Variants in IL7 observed in about 807,000 individuals in gnomAD.
IL7 encodes interleukin-7.
IL7 carries 3 observed loss-of-function variants against 21.6 expected under a neutral mutation model. The observed-to-expected ratio is 0.14, with a 90% CI of 0.06 to 0.36. The LOEUF (loss-of-function observed/expected upper bound fraction) is 0.36, where lower values mean the gene tolerates loss of function less well. Ranked by LOEUF, IL7 falls within the 10% of genes least tolerant of loss-of-function variation. The pLI, the probability that IL7 is intolerant of heterozygous loss-of-function variation, is 1.00. For synonymous variants in IL7, 62 were observed against 68.1 expected (o/e 0.91, Z 0.44); for missense variants, 175 against 200.2 (o/e 0.87, Z 0.76).
chr8:78,763,180 A>G (rs1418690470), intron 2 of IL7, among the ~76,000 whole-genome samples: 1 of 152,228 alleles, frequency 6.6e-6, no homozygotes, highest in Non-Finnish European at 1.5e-5. Context: ...AGCCCCCTGG[A>G]CAGCATTTGT....
intron 2 of IL7, among the ~76,000 whole-genome samples, chr8:78,770,116 T>C (rs1310610291): frequency 6.6e-6 from 1 of 152,158 alleles, no homozygotes; most frequent in Non-Finnish European, 1.5e-5. Context: ...ATTCAGGACA[T>C]AGGCATGGGC....
At chr8:78,727,051 T>C (rs968851083) in intron 3 of IL7, among the ~76,000 whole-genome samples, 1 of 152,130 alleles carries the variant, frequency 6.6e-6, no homozygotes, top group Admixed American at 6.6e-5. Context: ...CATTAGGTCC[T>C]GAGAAAACTC....
intron 3 of IL7, chr8:78,698,585 A>C (rs1027932785): frequency 4.2e-6 from 5 of 1,177,886 alleles, no homozygotes; most frequent in Non-Finnish European, 5.8e-6. Context: ...ATGTTTTGAT[A>C]ATTGCTTTTT....
downstream of IL7, among the ~76,000 whole-genome samples, chr8:78,731,534 AT>A (rs879558903): frequency 4.7e-5 from 7 of 150,484 alleles, no homozygotes; most frequent in African/African-American, 1.7e-4. Flanking sequence ...TTCCCTCCTT[AT>A]TTTTTTTTCT....
intron 3 of IL7, among the ~76,000 whole-genome samples, chr8:78,686,134 T>C (rs1407776669): frequency 6.6e-6 from 1 of 152,204 alleles, no homozygotes; most frequent in African/African-American, 2.4e-5. Flanking sequence ...CTCGTACTAC[T>C]GTTATAATGG....
At chr8:78,792,790 G>A (rs1180686283) in intron 2 of IL7, among the ~76,000 whole-genome samples, 5 of 152,078 alleles carry the variant, frequency 3.3e-5, no homozygotes, top group African/African-American at 1.2e-4. Flanking sequence ...AAGCTTTGGT[G>A]AGAAAGTAGA....
intron 2 of IL7, among the ~76,000 whole-genome samples, chr8:78,784,452 T>C (rs1481662644): frequency 3.3e-5 from 5 of 152,248 alleles, no homozygotes; most frequent in Admixed American, 2.0e-4. Flanking sequence ...CAGTCACTTA[T>C]GTATATCAAC....
chr8:78,769,558 A>T (rs796339600), intron 2 of IL7, among the ~76,000 whole-genome samples: 1 of 152,100 alleles, frequency 6.6e-6, no homozygotes, highest in East Asian at 1.9e-4. Context: ...TGGAAGAACA[A>T]TCCATGCTCA....
intron 3 of IL7, among the ~76,000 whole-genome samples, chr8:78,721,742 A>G (rs946901360): frequency 1.3e-5 from 2 of 152,004 alleles, no homozygotes; most frequent in African/African-American, 2.4e-5. Flanking sequence ...TAAATAGATC[A>G]TACTTTTTGA....
In IL7 at chr8:78,686,837, C is replaced by T. The variant is rs74603297; in HGVS notation, n.215-890G>A. ...TTTTATTTTAATACTTTTATTTAAA[C>T]AAGGCATTATAATATCATTTAAAAA... On this transcript the variant is annotated intron_variant and non_coding_transcript_variant, in intron 3 of 4. Transcript: ENST00000523959. Among the ~76,000 whole-genome samples, 451 of 152,060 alleles carry T rather than the reference C, an allele frequency of 3.0e-3. 2 individuals are homozygous for T. The highest frequency in any genetic ancestry group is 0.01 in the African/African-American group (417 of 41,486).
At chr8:78,719,220 T>G (rs1053862211) in intron 5 of IL7, 34 of 95,878 alleles carry the variant, frequency 3.5e-4, no homozygotes, top group African/African-American at 9.3e-4. Context: ...CTGAGCACTG[T>G]TTTTTTGTCA....
At chr8:78,744,214 C>T (rs772533870) in intron 2 of IL7, among the ~76,000 whole-genome samples, 16 of 151,902 alleles carry the variant, frequency 1.1e-4, no homozygotes, top group Non-Finnish European at 2.2e-4. Flanking sequence ...GATGTCAGCC[C>T]ACCCCTCCCT....
chr8:78,764,645 G>A (rs1277553999), intron 2 of IL7, among the ~76,000 whole-genome samples: 1 of 151,472 alleles, frequency 6.6e-6, no homozygotes, highest in Non-Finnish European at 1.5e-5. Context: ...ATACATATGA[G>A]GAAAACTACA....
chr8:78,681,953 G>A (rs1441759914), intron 4 of IL7, among the ~76,000 whole-genome samples: 1 of 146,284 alleles, frequency 6.8e-6, no homozygotes, highest in African/African-American at 2.5e-5. Context: ...TGTTGACCAG[G>A]CTGGTGTTGA....
intron 2 of IL7, among the ~76,000 whole-genome samples, chr8:78,783,693 G>C (rs1813416283): frequency 6.6e-6 from 1 of 152,048 alleles, no homozygotes; most frequent in South Asian, 2.1e-4. Context: ...CTATTTACTT[G>C]AACTTTAAAT....
At chr8:78,762,208 A>C (rs1450762474) in intron 2 of IL7, 2 of 1,585,478 alleles carry the variant, frequency 1.3e-6, no homozygotes, top group African/African-American at 1.3e-5. Flanking sequence ...GAACTGTCCT[A>C]TAAGGACCAG....
At chr8:78,714,329 A>G (rs1485022577), downstream of IL7, among the ~76,000 whole-genome samples, 1 of 152,162 alleles carries the variant, frequency 6.6e-6, no homozygotes, top group Non-Finnish European at 1.5e-5. Flanking sequence ...TATGGGCAAA[A>G]TAATTAGAAT....
chr8:78,774,200 A>G (rs973059552), intron 2 of IL7, among the ~76,000 whole-genome samples: 3 of 152,116 alleles, frequency 2.0e-5, no homozygotes, highest in Non-Finnish European at 4.4e-5. Context: ...GATACCAAGT[A>G]TTTGCAAAGA....
chr8:78,727,031 G>T (rs2130644022), intron 3 of IL7, among the ~76,000 whole-genome samples: 1 of 152,030 alleles, frequency 6.6e-6, no homozygotes, highest in East Asian at 1.9e-4. Flanking sequence ...ATTAGAACTG[G>T]TCCTGAGACC....
Sources: allele counts gnomAD v4.1 joint callset (sites outside exome capture counted in the v4.1 genomes callset), GRCh38; gene constraint gnomAD v4.1.1; transcripts MANE v1.5; gene names NCBI Gene and HGNC (gene_info 2026-07-23, HGNC 2026-07-21).